XYLT1: variants seen among roughly 807,000 people sequenced by gnomAD.
The protein encoded by XYLT1 is beta-D-xylosyltransferase 1.
A neutral mutation model predicts 91.3 loss-of-function variants in XYLT1; 36 were observed. The observed-to-expected ratio is 0.39, with a 90% CI of 0.30 to 0.52. The LOEUF (loss-of-function observed/expected upper bound fraction) is 0.52, where lower values mean the gene tolerates loss of function less well. Among genes scored for constraint, XYLT1 ranks in the 20% least tolerant of loss-of-function variants. The pLI is 0.68. For synonymous variants in XYLT1, 588 were observed against 532.0 expected, an observed-to-expected ratio of 1.11 and a Z score of -1.45; for missense variants, 1,242 against 1,284.5, an observed-to-expected ratio of 0.97 and a Z score of 0.51.
At chr16:17,262,475 T>G (rs2033736974) in intron 2 of XYLT1, among the ~76,000 whole-genome samples, 1 of 152,194 alleles carries the variant, frequency 6.6e-6, no homozygotes, top group Non-Finnish European at 1.5e-5. Context: ...TGCAGTGGAA[T>G]AATGGGTATC....
intron 1 of XYLT1, among the ~76,000 whole-genome samples, chr16:17,364,866 T>G (rs947421991): frequency 6.6e-6 from 1 of 152,170 alleles, no homozygotes; most frequent in African/African-American, 2.4e-5. Context: ...ACTTACTGAA[T>G]CAGAATCTCT....
intron 9 of XYLT1, 132 bp from the exon 10 acceptor site, chr16:17,127,993 C>T (rs1259519151): frequency 2.7e-6 from 2 of 728,116 alleles, no homozygotes; most frequent in Non-Finnish European, 2.2e-6. Context: ...TCCTTGCGTC[C>T]TCTGTATCTA....
intron 2 of XYLT1, among the ~76,000 whole-genome samples, chr16:17,304,725 A>G (rs961880931): frequency 3.3e-5 from 5 of 152,078 alleles, no homozygotes; most frequent in African/African-American, 1.2e-4. Context: ...CAGTTAAACC[A>G]CTACCAGTTA....
At chr16:17,375,662 C>A (rs2035590347) in intron 1 of XYLT1, among the ~76,000 whole-genome samples, 1 of 152,222 alleles carries the variant, frequency 6.6e-6, no homozygotes, top group African/African-American at 2.4e-5. Context: ...AAGTTCGGTG[C>A]TCAAGAGCAG....
At chr16:17,435,555 G>C (rs2036446101) in intron 1 of XYLT1, among the ~76,000 whole-genome samples, 1 of 152,102 alleles carries the variant, frequency 6.6e-6, no homozygotes, top group African/African-American at 2.4e-5. Context: ...GGTGGCTGTG[G>C]GTTTGGTTAC....
At chr16:17,441,832 G>A (rs1567204399) in intron 1 of XYLT1, among the ~76,000 whole-genome samples, 1 of 152,064 alleles carries the variant, frequency 6.6e-6, no homozygotes. Context: ...CCCTCCACAC[G>A]TGACCCAAAA....
rs546206007 is a variant in XYLT1 at position 17,343,970 on chromosome 16, G to A, written c.402+14042C>T. 2.5e-4 allele frequency among the ~76,000 whole-genome samples: 38 copies of A among 152,254 alleles called. No individual in the cohort carries two copies. The South Asian group carries it at 6.8e-3, about 27-fold the overall frequency. On this transcript the variant is annotated intron_variant, in intron 2 of 11. Coordinates refer to ENST00000261381, the MANE Select transcript of XYLT1 (RefSeq NM_022166.4). The stretch of plus-strand genomic sequence containing the variant: ...ACTTCACCTAAACGTCACCAGCTCC[G>A]TCTCATTACAGTCAACGGGTGTTGA...
chr16:17,300,827 T>C (rs1381478578), intron 2 of XYLT1, among the ~76,000 whole-genome samples: 5 of 151,998 alleles, frequency 3.3e-5, no homozygotes, highest in Admixed American at 3.3e-4. Context: ...ATGAGCTAGA[T>C]AGGTAAGCGA....
intron 2 of XYLT1, among the ~76,000 whole-genome samples, chr16:17,346,044 C>T (rs1235755756): frequency 3.3e-5 from 5 of 152,194 alleles, no homozygotes; most frequent in Non-Finnish European, 7.3e-5. Context: ...CACCTGACCC[C>T]AGGTGATCCA....
At chr16:17,343,952 C>T (rs370056932) in intron 2 of XYLT1, among the ~76,000 whole-genome samples, 2 of 152,170 alleles carry the variant, frequency 1.3e-5, no homozygotes, top group African/African-American at 4.8e-5. Flanking sequence ...CAGACTTCAC[C>T]TAAACGTCAC....
intron 2 of XYLT1, among the ~76,000 whole-genome samples, chr16:17,315,313 C>A (rs2034611508): frequency 6.6e-6 from 1 of 152,248 alleles, no homozygotes; most frequent in Non-Finnish European, 1.5e-5. Flanking sequence ...CTCTTTGTCA[C>A]CTTGTGCATT....
chr16:17,442,861 T>C (rs2036547960), intron 1 of XYLT1, among the ~76,000 whole-genome samples: 1 of 152,054 alleles, frequency 6.6e-6, no homozygotes, highest in Admixed American at 6.6e-5. Flanking sequence ...AAAACTAAAC[T>C]GAGAGTGGCA....
intron 5 of XYLT1, among the ~76,000 whole-genome samples, chr16:17,197,378 G>T (rs1292685755): frequency 1.3e-5 from 2 of 151,942 alleles, no homozygotes; most frequent in East Asian, 3.9e-4. Flanking sequence ...CCCTACTTTT[G>T]CCCCTTACTT....
At chr16:17,126,032 C>A (rs2141494145) in intron 10 of XYLT1, among the ~76,000 whole-genome samples, 1 of 152,312 alleles carries the variant, frequency 6.6e-6, no homozygotes, top group South Asian at 2.1e-4. Context: ...CCTAAATAGC[C>A]CACAGAGTGG....
chr16:17,154,159 A>C (rs4782029), intron 6 of XYLT1, among the ~76,000 whole-genome samples: 139,513 of 152,250 alleles, frequency 0.92, 64,013 homozygotes, highest in East Asian at 0.97. Flanking sequence ...TCTCCCCAAT[A>C]CCATGATCAT....
rs560464208 is a variant in XYLT1, at chr16:17,147,348, T to A, written c.1371-5979A>T. Among the ~76,000 whole-genome samples, 6 of 152,350 alleles carry A rather than the reference T, an allele frequency of 3.9e-5. No homozygotes were observed. In the South Asian group the frequency reaches 1.2e-3, roughly 32 times the overall value. ...ACTTACATGGTTACCAGACTAACCA[T>A]GAGAGACAGACAGAGAAGAAATACA... On this transcript the variant is annotated intron_variant, in intron 6 of 11. Transcript: ENST00000261381.
chr16:17,178,029 G>A (rs1395242876), intron 5 of XYLT1, among the ~76,000 whole-genome samples: 2 of 152,096 alleles, frequency 1.3e-5, no homozygotes, highest in African/African-American at 4.8e-5. Flanking sequence ...GTGAATTACG[G>A]TGCTAATGAG....
intron 2 of XYLT1, among the ~76,000 whole-genome samples, chr16:17,290,076 C>T (rs185478063): frequency 2.6e-5 from 4 of 152,276 alleles, no homozygotes; most frequent in East Asian, 3.9e-4. Flanking sequence ...CTTAGAATAT[C>T]GAACCGTGTT....
chr16:17,142,756 T>A (rs2031019410), intron 6 of XYLT1, among the ~76,000 whole-genome samples: 3 of 152,034 alleles, frequency 2.0e-5, no homozygotes, highest in Admixed American at 2.0e-4. Flanking sequence ...CTCCTGAAAT[T>A]TTGAAGTAGT....
Sources: allele counts gnomAD v4.1 joint callset (sites outside exome capture counted in the v4.1 genomes callset), GRCh38; gene constraint gnomAD v4.1.1; transcripts MANE v1.5; gene names NCBI Gene and HGNC (gene_info 2026-07-23, HGNC 2026-07-21).